EP300: variants seen among roughly 807,000 people sequenced by gnomAD.
The protein encoded by EP300 is histone acetyltransferase p300.
Under a neutral mutation model 264.0 loss-of-function variants are expected in EP300, and 31 were observed. The observed-to-expected ratio is 0.12, with a 90% CI of 0.09 to 0.16. The LOEUF is 0.16. EP300 is among the 10% of genes least tolerant of loss of function. The pLI is 1.00. For missense variants in EP300, 2,766 were observed against 3,052.9 expected (o/e 0.91, Z 2.21); for synonymous variants, 1,340 against 1,045.4 (o/e 1.28, Z -5.44).
rs199815769 is a variant in EP300, at chr22:41,178,972, T to G, written c.*16T>G. On this transcript the variant is annotated 3_prime_UTR_variant, in exon 31 of 31. Transcript: ENST00000263253. ...CATACACTAGAGACACCTTGTAGTA[T>G]TTTGGGAGCAAAAAAATTATTTTCT... 11 of 1,612,636 alleles carry G rather than the reference T, an allele frequency of 6.8e-6. No homozygotes were observed. Among genetic ancestry groups the G allele is most frequent in the East Asian group, 6.7e-5 (3 of 44,886 alleles).
At chr22:41,171,707 G>A (rs2059171834) in intron 27 of EP300, among the ~76,000 whole-genome samples, 1 of 151,310 alleles carries the variant, frequency 6.6e-6, no homozygotes, top group Non-Finnish European at 1.5e-5. Flanking sequence ...AGTCTCCTGG[G>A]TTCAAGTGAT....
chr22:41,158,880 A>G (rs976924622), intron 19 of EP300: 1 of 244,110 alleles, frequency 4.1e-6, no homozygotes, highest in Non-Finnish European at 8.2e-6. Flanking sequence ...CTTTTTGGAA[A>G]TATTTCCTTT....
intron 4 of EP300, among the ~76,000 whole-genome samples, chr22:41,129,575 A>G (rs1271955431): frequency 3.3e-5 from 5 of 152,330 alleles, no homozygotes; most frequent in Middle Eastern, 3.4e-3. Context: ...GTGTCATAAC[A>G]TTGGTTTAGA....
Position 41,163,939 on chromosome 22 carries a change from T to C in EP300, c.3729-114T>C, listed in dbSNP as rs1397020329. 5 of 969,740 alleles carry C rather than the reference T, an allele frequency of 5.2e-6. No homozygotes were observed. The South Asian group carries it at 5.2e-5, about 10-fold the overall frequency. 60.1% of individuals were successfully genotyped at this position (969,740 alleles called of 1,614,324 possible). ...AAATAGAAACTTTATTAAAACTATTTTCAGTTCTTTGGTCATGACCTTGGC... is the reference window on the plus strand; with the variant it reads ...AAATAGAAACTTTATTAAAACTATTCTCAGTTCTTTGGTCATGACCTTGGC... On this transcript the variant is annotated intron_variant, in intron 21 of 30. Transcript: ENST00000263253.
At chr22:41,111,995 C>G (rs1309216021) in intron 1 of EP300, among the ~76,000 whole-genome samples, 2 of 147,714 alleles carry the variant, frequency 1.4e-5, no homozygotes, top group African/African-American at 2.5e-5. Flanking sequence ...TCACGCCATC[C>G]TCCTGCCTCA....
rs760059559 is a variant in EP300 at position 41,149,797 on chromosome 22, C to A, written c.2416C>A (p.Pro806Thr). The change falls in exon 14 of 31, where the codon CCT becomes ACT. Residue 806 changes from proline to threonine, a missense_variant. Pro to Thr is a conservative substitution (Grantham distance 38, BLOSUM62 -1). Transcript: ENST00000263253. ...TAGTTCTTCCTGCCCGGTGAACTCT[C>A]CTATAATGCCTCCAGGGTCTCAGGG... Reference protein sequence around the residue: ...MSSSSCPVNSPIMPPGSQGSH... With the variant: ...MSSSSCPVNSTIMPPGSQGSH... 1.2e-6 allele frequency: 2 copies of A among 1,614,112 alleles called. No individual in the cohort carries two copies. Among genetic ancestry groups the A allele is most frequent in the Non-Finnish European group, 1.7e-6 (2 of 1,180,006 alleles).
intron 1 of EP300, among the ~76,000 whole-genome samples, chr22:41,103,305 T>TA (rs2058741707): frequency 6.6e-6 from 1 of 152,186 alleles, no homozygotes. Context: ...TGCTGCACCT[T>TA]TATCTCATTT....
At position 41,127,495 on chromosome 22, in the gene EP300, G is replaced by A. The variant is rs1432040176; in HGVS notation, c.915G>A (p.Gln305=). The change falls in exon 4 of 31, where the codon CAG becomes CAA. Residue 305 remains glutamine (Q), a synonymous_variant. Coordinates refer to ENST00000263253, the MANE Select transcript of EP300 (RefSeq NM_001429.4). ...ATTGTTATATCTCTCAGGGTCAACA[G>A]CCAGCCCCGCAGGTCCAGCAGCCAG... ...PGGGMPNMGQ[Q]PAPQVQQPGL... 2 of 1,614,138 alleles carry A rather than the reference G, an allele frequency of 1.2e-6. No individual in the cohort carries two copies. Among genetic ancestry groups the A allele is most frequent in the South Asian group, 1.1e-5 (1 of 91,084 alleles).
At chr22:41,151,624 GCCA>G (rs2059046031) in intron 14 of EP300, among the ~76,000 whole-genome samples, 1 of 152,168 alleles carries the variant, frequency 6.6e-6, no homozygotes, top group Non-Finnish European at 1.5e-5. Flanking sequence ...TGTACAATCA[GCCA>G]ACCAGTATTT....
chr22:41,168,205 T>A (rs1408168244), intron 23 of EP300: 1 of 519,366 alleles, frequency 1.9e-6, no homozygotes, highest in African/African-American at 1.9e-5. Context: ...TAGAAATTAT[T>A]GAGTACTGTG....
chr22:41,093,673 TTTTC>T (rs2058686897), intron 1 of EP300, among the ~76,000 whole-genome samples: 1 of 152,222 alleles, frequency 6.6e-6, no homozygotes. Flanking sequence ...TTTTTTTCCT[TTTTC>T]TTCTTATTTG....
At chr22:41,121,298 G>GC (rs929509177) in intron 2 of EP300, among the ~76,000 whole-genome samples, 46 of 152,178 alleles carry the variant, frequency 3.0e-4, no homozygotes, top group African/African-American at 1.1e-3. Flanking sequence ...GACATCTGGA[G>GC]CATATTAGCT....
intron 2 of EP300, among the ~76,000 whole-genome samples, chr22:41,125,112 CTTTTTTTT>C (rs930135062): frequency 2.0e-4 from 16 of 80,370 alleles, no homozygotes; most frequent in South Asian, 4.8e-4. Flanking sequence ...CTTTTCTTTC[CTTTTTTTT>C]TTTTTTTTTT....
chr22:41,149,699 A>C lies in EP300; in HGVS notation c.2380-62A>C, dbSNP rs150684594. 229 of 1,518,890 alleles carry C rather than the reference A, an allele frequency of 1.5e-4. No homozygotes were observed. In the African/African-American group the frequency reaches 3.0e-3, roughly 20 times the overall value. The allele number at this position is 1,518,890 out of a possible 1,614,324, so 94.1% of individuals were successfully genotyped here. A position where few individuals can be genotyped will look rare whatever the true frequency, so the allele number is the denominator to read the frequency against. Reference sequence around the variant, plus strand: ...TGTCCTAAATTTATATATCATGCCTATGTAAGTATTTCCTTAATTCTGTTC... The same window carrying C: ...TGTCCTAAATTTATATATCATGCCTCTGTAAGTATTTCCTTAATTCTGTTC... On this transcript the variant is annotated intron_variant, in intron 13 of 30. Coordinates refer to ENST00000263253, the MANE Select transcript of EP300 (RefSeq NM_001429.4).
At chr22:41,131,929 G>A (rs1325650202) in intron 6 of EP300, among the ~76,000 whole-genome samples, 1 of 151,880 alleles carries the variant, frequency 6.6e-6, no homozygotes, top group Non-Finnish European at 1.5e-5. Context: ...CGGGCATGGT[G>A]GCTAACACCT....
chr22:41,117,311 T>C lies in EP300; in HGVS notation c.219T>C (p.Asp73=). The C allele has an allele frequency of 1.9e-6, 3 of 1,614,246 alleles. No individual in the cohort carries two copies. Among genetic ancestry groups the C allele is most frequent in the Non-Finnish European group, 2.5e-6 (3 of 1,180,044 alleles). ...QLQTSLGMVQ[D]AASKHKQLSE... is the part of the protein sequence containing the mutation. ...AGACAAGTCTTGGCATGGTACAAGATGCAGCTTCTAAACATAAACAGCTGT... is the reference window on the plus strand; with the variant it reads ...AGACAAGTCTTGGCATGGTACAAGACGCAGCTTCTAAACATAAACAGCTGT... The change falls in exon 2 of 31, where the codon GAT becomes GAC. Residue 73 remains aspartate, a synonymous_variant. Coordinates refer to ENST00000263253, the MANE Select transcript of EP300 (RefSeq NM_001429.4).
At position 41,147,951 on chromosome 22, in the gene EP300, G is replaced by C. The variant is rs1351812603; in HGVS notation, c.2241+5G>C. ...CAACCTGGAGCTCTCAACCCGGTTA[G>C]TTTGACGTCTTTGGTAATCTCTTTG... On this transcript the variant is annotated splice_donor_5th_base_variant and intron_variant, in intron 12 of 30. Transcript: ENST00000263253. 1 of 1,589,622 alleles carries C rather than the reference G, an allele frequency of 6.3e-7. No individual in the cohort carries two copies. The highest frequency in any genetic ancestry group is 8.6e-7 in the Non-Finnish European group (1 of 1,165,840).
intron 2 of EP300, among the ~76,000 whole-genome samples, chr22:41,121,842 T>G (rs1228714931): frequency 6.6e-6 from 1 of 152,202 alleles, no homozygotes; most frequent in Non-Finnish European, 1.5e-5. Flanking sequence ...TAATTTATTG[T>G]CTTAGTCTTT....
At chr22:41,103,321 A>G (rs886344560) in intron 1 of EP300, among the ~76,000 whole-genome samples, 2 of 152,172 alleles carry the variant, frequency 1.3e-5, no homozygotes. Flanking sequence ...CATTTTAGCC[A>G]ACAGACATTG....
Sources: gnomAD v4.1 joint callset for allele counts (sites outside exome capture counted in the v4.1 genomes callset) on GRCh38, gnomAD v4.1.1 for gene constraint, MANE v1.5 for transcripts, NCBI Gene and HGNC (gene_info 2026-07-23, HGNC 2026-07-21) for gene names.